The following PCGF3 variants were observed in gnomAD, a reference collection of about 807,000 sequenced individuals.
PCGF3 encodes the protein polycomb group ring finger 3.
Under a neutral mutation model 33.1 loss-of-function variants are expected in PCGF3, and 7 were observed. The observed-to-expected ratio is 0.21, with a 90% CI of 0.12 to 0.40. PCGF3 has a LOEUF of 0.40. Among genes scored for constraint, PCGF3 ranks in the 10% least tolerant of loss-of-function variants. The pLI, the probability that PCGF3 is intolerant of heterozygous loss-of-function variation, is 1.00. For missense variants in PCGF3, 211 were observed against 313.3 expected (o/e 0.67, Z 2.46); for synonymous variants, 153 against 121.3 (o/e 1.26, Z -1.72).
At chr4:731,356 C>T in intron 3 of PCGF3, 2 of 399,904 alleles carry the variant, frequency 5.0e-6, no homozygotes, top group South Asian at 1.2e-4. Flanking sequence ...CACTGGTTCA[C>T]TTGGGTTCCC....
chr4:761,585 T>G (rs1577446490), intron 9 of PCGF3, 169 bp downstream of exon 9: 1 of 921,890 alleles, frequency 1.1e-6, no homozygotes, highest in Non-Finnish European at 1.3e-6. Context: ...GAGACAGCCC[T>G]AAGGGTTGTA....
chr4:717,377 C>A (rs1742901048), intron 1 of PCGF3, among the ~76,000 whole-genome samples: 1 of 152,196 alleles, frequency 6.6e-6, no homozygotes, highest in African/African-American at 2.4e-5. Context: ...CCTGTGGACA[C>A]TGTGAGTGTG....
At chr4:748,538 T>C (rs1425356110) in intron 8 of PCGF3, among the ~76,000 whole-genome samples, 2 of 152,202 alleles carry the variant, frequency 1.3e-5, no homozygotes, top group East Asian at 3.8e-4. Flanking sequence ...TTTAAAACGT[T>C]CAGTGAGCAT....
chr4:715,941 G>T (rs867472232), intron 1 of PCGF3, among the ~76,000 whole-genome samples: 189 of 52,138 alleles, frequency 3.6e-3, no homozygotes, highest in Middle Eastern at 0.026. Flanking sequence ...AGACACTGAG[G>T]GTGAGAACTG....
exon 11 of PCGF3, chr4:768,186 CT>C (rs1745462647): frequency 6.5e-6 from 1 of 152,708 alleles, no homozygotes; most frequent in Non-Finnish European, 1.5e-5. Flanking sequence ...GGTGACCCTG[CT>C]TTTGTAACCG....
chr4:719,279 T>C (rs74282738), intron 1 of PCGF3, among the ~76,000 whole-genome samples: 6,243 of 152,296 alleles, frequency 0.041, 171 homozygotes, highest in East Asian at 0.094. Flanking sequence ...AAAAAACTTT[T>C]AGGGTGACAT....
chr4:734,191 C>T (rs1489210104), intron 4 of PCGF3: 4 of 1,538,340 alleles, frequency 2.6e-6, no homozygotes, highest in Non-Finnish European at 3.5e-6. Context: ...TGAGTCTGTG[C>T]TTTGGTGTTA....
chr4:735,067 G>A (rs1743770089), intron 5 of PCGF3, 40 bp downstream of exon 5: 2 of 1,591,326 alleles, frequency 1.3e-6, no homozygotes, highest in South Asian at 2.3e-5. Context: ...CGTGGGGTGA[G>A]TGCCCCTGGG....
At chr4:748,400 A>T (rs1744364197) in intron 8 of PCGF3, among the ~76,000 whole-genome samples, 1 of 152,154 alleles carries the variant, frequency 6.6e-6, no homozygotes, top group African/African-American at 2.4e-5. Context: ...GGGTTTCACC[A>T]CGTTGGCCAG....
At chr4:767,002 G>A (rs1745410737) in exon 11 of PCGF3, 1 of 152,366 alleles carries the variant, frequency 6.6e-6, no homozygotes, top group South Asian at 2.1e-4. Context: ...GCATCCGTGG[G>A]GAGGATTTGC....
chr4:761,616 C>T (rs1314864999), intron 9 of PCGF3, 200 bp downstream of exon 9: 3 of 963,684 alleles, frequency 3.1e-6, no homozygotes, highest in Non-Finnish European at 3.7e-6. Context: ...AGACAGGGAA[C>T]GTGGAATGCT....
intron 1 of PCGF3, among the ~76,000 whole-genome samples, chr4:714,644 T>C (rs1480678190): frequency 6.6e-6 from 1 of 152,158 alleles, no homozygotes; most frequent in African/African-American, 2.4e-5. Context: ...CCCCCTGGCG[T>C]TGGAGGTCTT....
Position 756,799 on chromosome 4 carries a change from C to T in PCGF3, c.463-4480C>T, listed in dbSNP as rs189448126. Among the ~76,000 whole-genome samples, 582 of 152,288 alleles carry T rather than the reference C, an allele frequency of 3.8e-3. 1 individual carries two copies. The highest frequency in any genetic ancestry group is 6.1e-3 in the Non-Finnish European group (416 of 68,024). On this transcript the variant is annotated intron_variant, in intron 8 of 10. Transcript: ENST00000362003. ...AACACTCACTCCCCACCCCGCTCCC[C>T]CAGCAGGGTTAGATCGCAGAGGGGC...
chr4:754,413 G>A (rs1392783863), intron 8 of PCGF3, among the ~76,000 whole-genome samples: 2 of 152,240 alleles, frequency 1.3e-5, no homozygotes, highest in Admixed American at 6.5e-5. Context: ...GGCTCTGCCT[G>A]CAAGGGCCTC....
At chr4:763,173 T>C (rs542774355) in intron 9 of PCGF3, among the ~76,000 whole-genome samples, 74 of 152,284 alleles carry the variant, frequency 4.9e-4, no homozygotes, top group African/African-American at 1.8e-3. Context: ...GGGGCAACGC[T>C]TTTTGCTAAG....
intron 1 of PCGF3, among the ~76,000 whole-genome samples, chr4:727,489 C>T (rs369040801): frequency 3.9e-5 from 6 of 152,098 alleles, no homozygotes; most frequent in African/African-American, 1.2e-4. Context: ...ATCTGCCAGC[C>T]TCGGCCTCTC....
At chr4:730,888 A>G (rs1046203224) in intron 2 of PCGF3, 82 bp from the exon 3 acceptor site, 12 of 397,000 alleles carry the variant, frequency 3.0e-5, no homozygotes, top group Non-Finnish European at 4.9e-5. Flanking sequence ...GCTTGGTTGC[A>G]AGTTCCAGTA....
chr4:713,584 G>T lies in PCGF3; in HGVS notation c.-190+7614G>T, dbSNP rs1055843684. Among the ~76,000 whole-genome samples, 27 of 137,816 alleles carry T rather than the reference G, an allele frequency of 2.0e-4. 1 individual carries two copies. Among genetic ancestry groups the T allele is most frequent in the African/African-American group, 6.0e-4 (23 of 38,248 alleles). The allele number at this position is 137,816 out of a possible 152,430, so 90.4% of individuals were successfully genotyped here. Reference sequence around the variant, plus strand: ...CCTCATGGATCCTGTGTGGCCTCGTGGGGGGCTATGACTTTGTGCCTGTGT... The same window carrying T: ...CCTCATGGATCCTGTGTGGCCTCGTTGGGGGCTATGACTTTGTGCCTGTGT... On this transcript the variant is annotated intron_variant, in intron 1 of 10. Transcript: ENST00000362003.
chr4:719,346 C>T (rs933823792), intron 1 of PCGF3, among the ~76,000 whole-genome samples: 2 of 152,206 alleles, frequency 1.3e-5, no homozygotes, highest in African/African-American at 4.8e-5. Flanking sequence ...TCGTCTCCAG[C>T]GGGAAGGAAC....
Sources: gnomAD v4.1 joint callset for allele counts (sites outside exome capture counted in the v4.1 genomes callset) on GRCh38, gnomAD v4.1.1 for gene constraint, MANE v1.5 for transcripts, NCBI Gene and HGNC (gene_info 2026-07-23, HGNC 2026-07-21) for gene names.